The following LOC128092252 variants were observed in gnomAD, a reference collection of about 807,000 sequenced individuals.
the LOC128092252 span, among the ~76,000 whole-genome samples, chr15:50,676,320 A>G: frequency 1.2e-4 from 18 of 152,260 alleles, 1 homozygote; most frequent in South Asian, 3.7e-3. Context: ...TTTAACAAAT[A>G]CATTCTATGA....
At chr15:50,654,930 T>G in the LOC128092252 span, among the ~76,000 whole-genome samples, 6 of 142,586 alleles carry the variant, frequency 4.2e-5, no homozygotes, top group East Asian at 1.3e-3. Flanking sequence ...GAACCCAGGA[T>G]GCAGAGCTTG....
the LOC128092252 span, among the ~76,000 whole-genome samples, chr15:50,678,454 T>A: frequency 1.3e-5 from 2 of 149,146 alleles, no homozygotes. Context: ...CAGAGTTCAA[T>A]ACATTTGACT....
the LOC128092252 span, among the ~76,000 whole-genome samples, chr15:50,662,576 G>A: frequency 2.4e-4 from 37 of 152,108 alleles, no homozygotes; most frequent in African/African-American, 8.7e-4. Flanking sequence ...TGCTTTCTTC[G>A]ACATGAACCA....
At chr15:50,676,082 A>G in the LOC128092252 span, among the ~76,000 whole-genome samples, 1 of 152,196 alleles carries the variant, frequency 6.6e-6, no homozygotes, top group Non-Finnish European at 1.5e-5. Flanking sequence ...TCAAATTTCA[A>G]CTATGATGGT....
chr15:50,675,619 G>T, the LOC128092252 span, among the ~76,000 whole-genome samples: 1 of 152,084 alleles, frequency 6.6e-6, no homozygotes, highest in African/African-American at 2.4e-5. Context: ...TTTCTTCTCT[G>T]CCATCAGTTA....
chr15:50,663,798 A>G, the LOC128092252 span, among the ~76,000 whole-genome samples: 1 of 152,216 alleles, frequency 6.6e-6, no homozygotes, highest in Non-Finnish European at 1.5e-5. Context: ...CGCCATCTCT[A>G]CCAAAAGCTA....
chr15:50,672,617 T>C, the LOC128092252 span, among the ~76,000 whole-genome samples: 3 of 151,506 alleles, frequency 2.0e-5, no homozygotes, highest in African/African-American at 4.8e-5. Flanking sequence ...AATGTTGAAA[T>C]AGAAAAAAGT....
chr15:50,663,626 C>A, the LOC128092252 span, among the ~76,000 whole-genome samples: 1 of 152,066 alleles, frequency 6.6e-6, no homozygotes, highest in Non-Finnish European at 1.5e-5. Context: ...CACTACGAAC[C>A]AAAAACCTTA....
the LOC128092252 span, among the ~76,000 whole-genome samples, chr15:50,683,505 C>T: frequency 1.3e-5 from 2 of 151,192 alleles, no homozygotes; most frequent in Non-Finnish European, 2.9e-5. Context: ...GAGGCCGAGG[C>T]GGGTGGATCA....
the LOC128092252 span, among the ~76,000 whole-genome samples, chr15:50,663,416 G>A: frequency 0.035 from 5,380 of 152,174 alleles, 314 homozygotes; most frequent in African/African-American, 0.12. Flanking sequence ...GTGAGCCACC[G>A]TGCCCGGCCC....
At chr15:50,655,685 A>AT in the LOC128092252 span, among the ~76,000 whole-genome samples, 1 of 152,208 alleles carries the variant, frequency 6.6e-6, no homozygotes, top group Admixed American at 6.5e-5. Flanking sequence ...GCTACAAGAT[A>AT]AAATAATGAC....
At chr15:50,661,515 G>A in the LOC128092252 span, among the ~76,000 whole-genome samples, 1 of 152,102 alleles carries the variant, frequency 6.6e-6, no homozygotes, top group Non-Finnish European at 1.5e-5. Flanking sequence ...ATGGAAATGT[G>A]TTTGTTGTGA....
the LOC128092252 span, among the ~76,000 whole-genome samples, chr15:50,677,416 AAC>A: frequency 0.026 from 3,947 of 151,252 alleles, 76 homozygotes; most frequent in Non-Finnish European, 0.042. Flanking sequence ...CAACAACAAC[AAC>A]ACACACACAC....
the LOC128092252 span, among the ~76,000 whole-genome samples, chr15:50,677,566 C>CCAT: frequency 6.6e-6 from 1 of 150,434 alleles, no homozygotes; most frequent in East Asian, 2.0e-4. Flanking sequence ...TGGTGAAACC[C>CCAT]CATCCCTACT....
the LOC128092252 span, among the ~76,000 whole-genome samples, chr15:50,684,793 C>G: frequency 6.6e-6 from 1 of 152,196 alleles, no homozygotes; most frequent in Non-Finnish European, 1.5e-5. Flanking sequence ...GACACCCCCA[C>G]ACCCCAAGAG....
the LOC128092252 span, among the ~76,000 whole-genome samples, chr15:50,656,930 C>G: frequency 6.6e-6 from 1 of 152,164 alleles, no homozygotes; most frequent in Non-Finnish European, 1.5e-5. Flanking sequence ...TCAAAAACAT[C>G]TTACTTCAGG....
At chr15:50,657,922 T>G in the LOC128092252 span, 262 of 785,184 alleles carry the variant, frequency 3.3e-4, 3 homozygotes, top group Admixed American at 1.1e-4. Context: ...ATTATATACC[T>G]AGTTTAATTT....
chr15:50,658,005 AT>A, the LOC128092252 span, among the ~76,000 whole-genome samples: 381 of 139,220 alleles, frequency 2.7e-3, no homozygotes, highest in South Asian at 6.4e-3. Flanking sequence ...GACAGTCTCA[AT>A]TTTTTTTTTT....
chr15:50,679,512 A>AT, the LOC128092252 span, among the ~76,000 whole-genome samples: 23 of 62,110 alleles, frequency 3.7e-4, 2 homozygotes, highest in African/African-American at 2.0e-3. Flanking sequence ...TATATATATA[A>AT]TATATATATA....
Sources: allele counts gnomAD v4.1 joint callset (sites outside exome capture counted in the v4.1 genomes callset), GRCh38; gene constraint gnomAD v4.1.1; transcripts MANE v1.5.